XIRP2: variants seen among roughly 807,000 people sequenced by gnomAD.
XIRP2 encodes the protein xin actin-binding repeat-containing protein 2.
In XIRP2, 236 loss-of-function variants were observed where a neutral mutation model predicts 277.0. The ratio of observed to expected loss-of-function variants is 0.85; its 90% CI spans 0.77 to 0.95. The LOEUF (loss-of-function observed/expected upper bound fraction) is 0.95. Ranked by LOEUF, XIRP2 falls within the 40% of genes least tolerant of loss-of-function variation. The pLI is 0.00. For missense variants in XIRP2, 4,640 were observed against 4,157.5 expected (o/e 1.12, Z -3.19); for synonymous variants, 1,490 against 1,416.5 (o/e 1.05, Z -1.17).
rs1490943576 is a variant in XIRP2, at chr2:167,250,832, A to G, written c.9440A>G (p.Lys3147Arg). The G allele has an allele frequency of 1.9e-6, 3 of 1,613,430 alleles. No homozygotes were observed. In the African/African-American group the frequency reaches 4.0e-5, roughly 22 times the overall value. The change falls in exon 9 of 11, where the codon AAG becomes AGG. Residue 3147 changes from lysine (K) to arginine (R), a missense_variant. By Grantham distance (26) the Lys-to-Arg change is conservative. Transcript: ENST00000409195. ...TKNELSQSPK[K>R]DSYVEPPPRR... ...AACGAGCTTTCTCAGTCCCCTAAAA[A>G]GGACAGTTATGTTGAACCCCCACCA... is the stretch of plus-strand genomic sequence containing the variant.
At chr2:166,999,933 A>G (rs1687321224) in intron 2 of XIRP2, among the ~76,000 whole-genome samples, 1 of 152,140 alleles carries the variant, frequency 6.6e-6, no homozygotes, top group African/African-American at 2.4e-5. Context: ...AAAAATATTT[A>G]TCCTGTAGAG....
intron 2 of XIRP2, among the ~76,000 whole-genome samples, chr2:167,030,177 T>C (rs1362484192): frequency 1.3e-5 from 2 of 152,124 alleles, no homozygotes; most frequent in Non-Finnish European, 2.9e-5. Flanking sequence ...CTGGATTCAT[T>C]GATTTTTTTG....
chr2:167,258,973 G>C lies in XIRP2; in HGVS notation c.*1156G>C, dbSNP rs1461891118. 5 of 1,612,194 alleles carry C rather than the reference G, an allele frequency of 3.1e-6. No homozygotes were observed. Among genetic ancestry groups the C allele is most frequent in the Non-Finnish European group, 4.2e-6 (5 of 1,179,104 alleles). On this transcript the variant is annotated 3_prime_UTR_variant, in exon 11 of 11. Coordinates refer to ENST00000409195, the MANE Select transcript of XIRP2 (RefSeq NM_152381.6). ...TCAGCAGAGGCCTTATGGTAAAGGG[G>C]GGAAGTTCAATCATCTCTCCTGATA...
chr2:166,910,872 C>T (rs1431730714), intron 2 of XIRP2, among the ~76,000 whole-genome samples: 3 of 151,982 alleles, frequency 2.0e-5, no homozygotes, highest in Non-Finnish European at 4.4e-5. Context: ...CGTTATATAC[C>T]CAGTAGTCAT....
At chr2:167,025,730 A>T (rs893054001) in intron 2 of XIRP2, among the ~76,000 whole-genome samples, 13 of 152,114 alleles carry the variant, frequency 8.5e-5, no homozygotes, top group African/African-American at 3.1e-4. Flanking sequence ...GTCATTCAGG[A>T]GCAGGTTGTT....
intron 2 of XIRP2, among the ~76,000 whole-genome samples, chr2:167,101,052 G>T (rs1030087519): frequency 6.6e-6 from 1 of 152,060 alleles, no homozygotes; most frequent in Admixed American, 6.5e-5. Flanking sequence ...TGAACGTTGA[G>T]AGTTTGTAAT....
At chr2:166,898,377 C>A (rs977862369) in intron 1 of XIRP2, among the ~76,000 whole-genome samples, 4 of 152,160 alleles carry the variant, frequency 2.6e-5, no homozygotes, top group African/African-American at 9.7e-5. Context: ...CATTGCCATC[C>A]TATGCCACTG....
intron 3 of XIRP2, among the ~76,000 whole-genome samples, chr2:167,141,595 G>C (rs1377824296): frequency 6.6e-6 from 1 of 152,166 alleles, no homozygotes; most frequent in African/African-American, 2.4e-5. Context: ...ACTAAGACTT[G>C]AATAAGTAAA....
intron 2 of XIRP2, among the ~76,000 whole-genome samples, chr2:167,081,206 C>G (rs1289327670): frequency 1.3e-5 from 2 of 152,156 alleles, no homozygotes; most frequent in Non-Finnish European, 2.9e-5. Flanking sequence ...TGTCTCATGC[C>G]TATAATCCCA....
chr2:167,126,546 A>G (rs1691212714), intron 2 of XIRP2, among the ~76,000 whole-genome samples: 1 of 152,150 alleles, frequency 6.6e-6, no homozygotes, highest in African/African-American at 2.4e-5. Flanking sequence ...TATTTTTCTG[A>G]TGAAAAGCCT....
intron 2 of XIRP2, among the ~76,000 whole-genome samples, chr2:166,957,958 TGCTA>T (rs2105403757): frequency 6.6e-6 from 1 of 151,974 alleles, no homozygotes; most frequent in South Asian, 2.1e-4. Context: ...TCAGTGTGAT[TGCTA>T]GCTACTTCCT....
At chr2:166,907,382 C>A (rs1399003512) in intron 2 of XIRP2, among the ~76,000 whole-genome samples, 1 of 152,154 alleles carries the variant, frequency 6.6e-6, no homozygotes, top group African/African-American at 2.4e-5. Context: ...GTGTAACAAA[C>A]CACCCCAAAA....
chr2:166,985,459 G>T (rs1158859262), intron 2 of XIRP2, among the ~76,000 whole-genome samples: 2 of 149,500 alleles, frequency 1.3e-5, no homozygotes, highest in African/African-American at 2.5e-5. Flanking sequence ...TTTGGAGATA[G>T]AGTCTCTGTC....
intron 3 of XIRP2, among the ~76,000 whole-genome samples, chr2:167,139,078 A>G (rs1691639149): frequency 6.6e-6 from 1 of 150,710 alleles, no homozygotes; most frequent in Non-Finnish European, 1.5e-5. Context: ...AAAAATATAT[A>G]TATATGCATA....
At chr2:167,121,469 C>T (rs1374577027) in intron 2 of XIRP2, among the ~76,000 whole-genome samples, 1 of 152,124 alleles carries the variant, frequency 6.6e-6, no homozygotes, top group African/African-American at 2.4e-5. Flanking sequence ...TCTTAAATGG[C>T]ACGTCAGTTT....
intron 2 of XIRP2, among the ~76,000 whole-genome samples, chr2:167,076,761 G>T (rs1689582870): frequency 6.6e-6 from 1 of 152,176 alleles, no homozygotes; most frequent in South Asian, 2.1e-4. Context: ...AGGGAAAAGG[G>T]ATGTTAAGAA....
At chr2:166,911,003 T>A (rs1674587721) in intron 2 of XIRP2, among the ~76,000 whole-genome samples, 1 of 152,214 alleles carries the variant, frequency 6.6e-6, no homozygotes, top group Admixed American at 6.5e-5. Flanking sequence ...TCTGTTCTTT[T>A]ACATTTGCTG....
chr2:167,188,978 G>A (rs918432908), intron 3 of XIRP2, among the ~76,000 whole-genome samples: 36 of 152,342 alleles, frequency 2.4e-4, no homozygotes, highest in African/African-American at 8.2e-4. Context: ...GATTACAGAG[G>A]AAGAGGAGAG....
intron 2 of XIRP2, among the ~76,000 whole-genome samples, chr2:166,998,506 AGGTG>A (rs1687283525): frequency 6.6e-6 from 1 of 151,908 alleles, no homozygotes; most frequent in Non-Finnish European, 1.5e-5. Context: ...GGGTGGTGGC[AGGTG>A]CCTGTAGTCC....
Sources: gnomAD v4.1 joint callset for allele counts (sites outside exome capture counted in the v4.1 genomes callset) on GRCh38, gnomAD v4.1.1 for gene constraint, MANE v1.5 for transcripts, NCBI Gene and HGNC (gene_info 2026-07-23, HGNC 2026-07-21) for gene names.